Variants in ANK3 observed in about 807,000 individuals in gnomAD.
ANK3 encodes the protein ankyrin-3.
A neutral mutation model predicts 370.9 loss-of-function variants in ANK3; 57 were observed. The ratio of observed to expected loss-of-function variants is 0.15; its 90% CI spans 0.12 to 0.19. The LOEUF (loss-of-function observed/expected upper bound fraction) is 0.19. ANK3 is among the 10% of genes least tolerant of loss of function. The pLI is 1.00. For missense variants in ANK3, 4,439 were observed against 5,302.1 expected (o/e 0.84, Z 5.06); for synonymous variants, 1,929 against 1,946.3 (o/e 0.99, Z 0.23).
At chr10:60,279,681 A>G in intron 1 of ANK3, 42 bp from the exon 2 acceptor site, 2 of 1,452,284 alleles carry the variant, frequency 1.4e-6, no homozygotes, top group Non-Finnish European at 1.9e-6. Flanking sequence ...AAATGAAGCT[A>G]ATATGCATGT....
chr10:60,155,854 T>C (rs1239185509), intron 23 of ANK3, among the ~76,000 whole-genome samples: 1 of 152,038 alleles, frequency 6.6e-6, no homozygotes, highest in African/African-American at 2.4e-5. Context: ...TTTTGGACTC[T>C]TGGACCTACA....
chr10:60,699,331 C>A (rs756798894), intron 1 of ANK3, among the ~76,000 whole-genome samples: 2 of 151,970 alleles, frequency 1.3e-5, no homozygotes, highest in Non-Finnish European at 2.9e-5. Context: ...AGGAAAAGAA[C>A]TGCTGAACCC....
intron 29 of ANK3, 58 bp from the exon 30 acceptor site, chr10:60,086,942 C>A (rs1176385221): frequency 3.6e-5 from 37 of 1,035,554 alleles, no homozygotes; most frequent in African/African-American, 1.0e-4. Flanking sequence ...TTTTCCCAAT[C>A]ATGAAGTTTA....
At chr10:60,570,949 T>C (rs1259891904) in intron 2 of ANK3, among the ~76,000 whole-genome samples, 1 of 152,136 alleles carries the variant, frequency 6.6e-6, no homozygotes. Flanking sequence ...ACCGTCGTGG[T>C]TCATGTGTCT....
intron 2 of ANK3, among the ~76,000 whole-genome samples, chr10:60,600,208 A>G (rs2078041799): frequency 6.6e-6 from 1 of 152,210 alleles, no homozygotes; most frequent in Non-Finnish European, 1.5e-5. Context: ...TTCTGTACTC[A>G]TACAGTGTCT....
intron 2 of ANK3, among the ~76,000 whole-genome samples, chr10:60,441,249 C>T (rs761511679): frequency 4.6e-5 from 7 of 152,034 alleles, no homozygotes; most frequent in East Asian, 1.9e-4. Flanking sequence ...AATATCATTC[C>T]ACTCCTGATT....
intron 1 of ANK3, among the ~76,000 whole-genome samples, chr10:60,370,925 G>A (rs2060022908): frequency 6.6e-6 from 1 of 151,994 alleles, no homozygotes; most frequent in African/African-American, 2.4e-5. Context: ...GGAAAGGAGG[G>A]GGCATAACCT....
rs905702358 is a variant in ANK3, at chr10:60,198,391, A to T, written c.1638T>A (p.Asp546Glu). ...CATGATCCAAAAGGAACGCGGCCAC[A>T]TCCTCATGCCCCTCTCGGGCGGAAA... ...LHLSAREGHEDVAAFLLDHGA... is the reference protein window; with the variant it reads ...LHLSAREGHEEVAAFLLDHGA... The change falls in exon 14 of 44, where the codon GAT (aspartate) becomes GAA (glutamate). Residue 546 changes from aspartate to glutamate, a missense_variant. Physicochemically the swap from Asp to Glu is conservative, Grantham distance 45 (BLOSUM62 2). Transcript: ENST00000280772. 14 of 1,614,208 alleles carry T rather than the reference A, an allele frequency of 8.7e-6. No homozygotes were observed. Among genetic ancestry groups the T allele is most frequent in the Non-Finnish European group, 1.2e-5 (14 of 1,180,038 alleles).
chr10:60,206,895 C>A (rs533391972), intron 10 of ANK3, among the ~76,000 whole-genome samples: 1 of 152,338 alleles, frequency 6.6e-6, no homozygotes, highest in Admixed American at 6.5e-5. Flanking sequence ...TTCACCGAGG[C>A]TTCTCAGACC....
intron 1 of ANK3, among the ~76,000 whole-genome samples, chr10:60,709,517 A>G (rs2079671309): frequency 6.6e-6 from 1 of 152,178 alleles, no homozygotes; most frequent in Non-Finnish European, 1.5e-5. Context: ...TGTCATATGT[A>G]TTATGTACTA....
intron 1 of ANK3, among the ~76,000 whole-genome samples, chr10:60,730,110 G>T (rs547055249): frequency 3.3e-4 from 51 of 152,244 alleles, no homozygotes; most frequent in African/African-American, 1.2e-3. Flanking sequence ...GAAAAAAGAT[G>T]CATGGTCCTC....
chr10:60,043,884 A>C (rs891502038), intron 42 of ANK3: 97 of 985,552 alleles, frequency 9.8e-5, no homozygotes, highest in Non-Finnish European at 1.1e-4. Context: ...AGTTAAAAAA[A>C]AAAAGTATGT....
intron 1 of ANK3, among the ~76,000 whole-genome samples, chr10:60,365,877 A>C (rs1325221649): frequency 6.6e-6 from 1 of 152,204 alleles, no homozygotes; most frequent in Non-Finnish European, 1.5e-5. Context: ...AAGATAAACT[A>C]TGATTGTGTC....
At chr10:60,245,117 C>T (rs1183609700) in intron 7 of ANK3, among the ~76,000 whole-genome samples, 2 of 151,710 alleles carry the variant, frequency 1.3e-5, no homozygotes, top group African/African-American at 2.4e-5. Flanking sequence ...TGCAGTGAGC[C>T]GAGATTGCGC....
intron 2 of ANK3, among the ~76,000 whole-genome samples, chr10:60,590,278 C>T (rs1406438478): frequency 1.3e-5 from 2 of 152,180 alleles, no homozygotes; most frequent in Non-Finnish European, 2.9e-5. Context: ...ACACACTGGA[C>T]ACTGAAGACT....
intron 28 of ANK3, among the ~76,000 whole-genome samples, chr10:60,095,386 CTTTAT>C (rs939822708): frequency 3.9e-5 from 6 of 152,282 alleles, no homozygotes; most frequent in African/African-American, 1.2e-4. Context: ...TTTTAGATTA[CTTTAT>C]TTTATTAGAT....
At chr10:60,174,911 G>C (rs1426248017) in intron 18 of ANK3, among the ~76,000 whole-genome samples, 2 of 152,006 alleles carry the variant, frequency 1.3e-5, no homozygotes, top group African/African-American at 4.8e-5. Context: ...GTAGGGATGA[G>C]GTCTCACTAT....
chr10:60,090,942 C>T (rs559433790), intron 28 of ANK3, among the ~76,000 whole-genome samples: 100 of 152,264 alleles, frequency 6.6e-4, no homozygotes, highest in African/African-American at 2.4e-3. Context: ...CAGATCTCGC[C>T]GTGTCGCCCA....
intron 13 of ANK3, 81 bp from the exon 14 acceptor site, chr10:60,198,618 T>A: frequency 7.7e-7 from 1 of 1,298,090 alleles, no homozygotes; most frequent in Non-Finnish European, 1.1e-6. Flanking sequence ...GAATATTAGC[T>A]GCTTGATGTA....
Sources: allele counts gnomAD v4.1 joint callset (sites outside exome capture counted in the v4.1 genomes callset), GRCh38; gene constraint gnomAD v4.1.1; transcripts MANE v1.5; gene names NCBI Gene and HGNC (gene_info 2026-07-23, HGNC 2026-07-21).